B3GALT2: variants seen among roughly 807,000 people sequenced by gnomAD.
B3GALT2 encodes UDP-Gal:betaGlcNAc beta 1,3-galactosyltransferase, polypeptide 2.
In B3GALT2, 13 loss-of-function variants were observed where a neutral mutation model predicts 33.5. The ratio of observed to expected loss-of-function variants is 0.39; its 90% CI spans 0.25 to 0.62. The LOEUF is 0.62. Ranked by LOEUF, B3GALT2 falls within the 20% of genes least tolerant of loss-of-function variation. B3GALT2 has a pLI of 0.53. For missense variants in B3GALT2, 418 were observed against 509.1 expected, an observed-to-expected ratio of 0.82 and a Z score of 1.72; for synonymous variants, 195 against 172.7, an observed-to-expected ratio of 1.13 and a Z score of -1.01.
chr1:193,185,542 GT>G (rs1676792259), intron 1 of B3GALT2, among the ~76,000 whole-genome samples: 1 of 151,488 alleles, frequency 6.6e-6, no homozygotes, highest in Non-Finnish European at 1.5e-5. Flanking sequence ...ACATATTAAG[GT>G]TTTGTTTTAA....
intron 1 of B3GALT2, among the ~76,000 whole-genome samples, chr1:193,182,786 G>A (rs1676739492): frequency 6.6e-6 from 1 of 151,910 alleles, no homozygotes; most frequent in Admixed American, 6.6e-5. Context: ...TAGTTTTTGG[G>A]GACCAATATG....
At chr1:193,182,353 A>C (rs535908964) in intron 1 of B3GALT2, among the ~76,000 whole-genome samples, 1 of 152,292 alleles carries the variant, frequency 6.6e-6, no homozygotes, top group East Asian at 1.9e-4. Context: ...CTTTGTAAAT[A>C]TGAAGTATTC....
chr1:193,185,327 A>G (rs1158630482), intron 1 of B3GALT2, among the ~76,000 whole-genome samples: 2 of 152,042 alleles, frequency 1.3e-5, no homozygotes, highest in African/African-American at 2.4e-5. Flanking sequence ...TTAAAGTTCT[A>G]TTCATGGTCA....
intron 1 of B3GALT2, among the ~76,000 whole-genome samples, chr1:193,182,483 T>C (rs1299710521): frequency 6.6e-6 from 1 of 152,172 alleles, no homozygotes; most frequent in Non-Finnish European, 1.5e-5. Context: ...CATGTTAGAA[T>C]TAAAAGAGCT....
In B3GALT2 at chr1:193,180,210, T is replaced by TAAAC; in HGVS notation, c.*83_*84insGTTT. ...TTATGTGATGAGTTTTAACTAAAAC[T>TAAAC]TGTCCTACGGATGTAATCAGTTCTA... On this transcript the variant is annotated 3_prime_UTR_variant, in exon 2 of 2. Transcript: ENST00000367434. The TAAAC allele has an allele frequency of 8.1e-7, 1 of 1,230,234 alleles. No homozygotes were observed. Among genetic ancestry groups the TAAAC allele is most frequent in the Non-Finnish European group, 1.1e-6 (1 of 915,172 alleles). 76.2% of individuals were successfully genotyped at this position (1,230,234 alleles called of 1,614,324 possible). A position where few individuals can be genotyped will look rare whatever the true frequency, so the allele number is the denominator to read the frequency against.
At position 193,181,196 on chromosome 1, in the gene B3GALT2, A is replaced by C. The variant is rs41265203; in HGVS notation, c.367T>G (p.Tyr123Asp). ...GGATGTCCAGTACCTTTTTCATTGTAAATACTTCCATTGGCACTAAGTGTA... is the reference window on the plus strand; with the variant it reads ...GGATGTCCAGTACCTTTTTCATTGTCAATACTTCCATTGGCACTAAGTGTA... ...ENTLSANGSI[Y>D]NEKGTGHPNS... The change falls in exon 2 of 2, where the codon TAC becomes GAC. Residue 123 changes from tyrosine (Y) to aspartate (D), a missense_variant. Tyr to Asp is a radical substitution (Grantham distance 160). Around this residue, in one of 3 missense-constraint regions of B3GALT2, gnomAD observed 188 missense variants for 197.5 expected, o/e 0.95. Transcript: ENST00000367434. 2.4e-3 allele frequency: 3,843 copies of C among 1,613,784 alleles called. 6 individuals are homozygous for C. The highest frequency in any genetic ancestry group is 3.0e-3 in the Non-Finnish European group (3,498 of 1,179,874).
At chr1:193,182,731 C>T (rs1316021870) in intron 1 of B3GALT2, among the ~76,000 whole-genome samples, 1 of 152,018 alleles carries the variant, frequency 6.6e-6, no homozygotes, top group Non-Finnish European at 1.5e-5. Flanking sequence ...CAGTGCATAG[C>T]ACAGATTTGT....
intron 1 of B3GALT2, 125 bp from the exon 2 acceptor site, chr1:193,181,807 T>G (rs1180267255): frequency 1.2e-5 from 5 of 403,110 alleles, no homozygotes; most frequent in Middle Eastern, 6.3e-4. Flanking sequence ...GCTTGTAATT[T>G]ATTTCCCCTT....
chr1:193,180,854 A>T lies in B3GALT2; in HGVS notation c.709T>A (p.Trp237Arg), dbSNP rs745692078. 6.2e-7 allele frequency: 1 copy of T among 1,614,014 alleles called. No individual in the cohort carries two copies. The highest frequency in any genetic ancestry group is 1.1e-5 in the South Asian group (1 of 91,062). Residue 237 changes from tryptophan to arginine, a missense_variant, in exon 2 of 2, where the codon TGG becomes AGG. Physicochemically the swap from Trp to Arg is moderately radical, Grantham distance 101. This residue lies in a region of B3GALT2 where 226 missense variants were observed against 293.9 expected (regional missense o/e 0.77). Coordinates refer to ENST00000367434, the MANE Select transcript of B3GALT2 (RefSeq NM_003783.3). The part of the protein sequence containing the change: ...LTIKTLMGMN[W>R]VATYCPHIPY... ...ATATGTGGACAGTATGTTGCAACCC[A>T]GTTCATGCCCATTAGTGTTTTAATG...
At position 193,181,572 on chromosome 1, in the gene B3GALT2, A is replaced by C; in HGVS notation, c.-10T>G. ...TCCTCCACTGAAGCATGTTGTAAAT[A>C]TCCAGTAGTGGTATATGAGAGATTG... On this transcript the variant is annotated 5_prime_UTR_variant, in exon 2 of 2. Transcript: ENST00000367434. 6.4e-7 allele frequency: 1 copy of C among 1,568,630 alleles called. No homozygotes were observed. The highest frequency in any genetic ancestry group is 8.6e-7 in the Non-Finnish European group (1 of 1,161,672).
In B3GALT2 at chr1:193,180,696, A is replaced by C. The variant is rs1344010817; in HGVS notation, c.867T>G (p.Asn289Lys). The change falls in exon 2 of 2, where the codon AAT (asparagine) becomes AAG (lysine). Residue 289 changes from asparagine to lysine, a missense_variant. This residue lies in a region of B3GALT2 where 226 missense variants were observed against 293.9 expected (regional missense o/e 0.77). Coordinates refer to ENST00000367434, the MANE Select transcript of B3GALT2 (RefSeq NM_003783.3). ...TGYLMRGYAP[N>K]RNKDSKWYMP... ...TGTACCACTTGCTATCTTTGTTTCG[A>C]TTGGGTGCATATCCTCGCATTAGGT... 1 of 1,614,076 alleles carries C rather than the reference A, an allele frequency of 6.2e-7. No individual in the cohort carries two copies. The highest frequency in any genetic ancestry group is 8.5e-7 in the Non-Finnish European group (1 of 1,179,954).
At position 193,181,406 on chromosome 1, in the gene B3GALT2, C is replaced by T; in HGVS notation, c.157G>A (p.Ala53Thr). ...FNHHDWLPGRAGFKENPVTYT... is the reference protein window; with the variant it reads ...FNHHDWLPGRTGFKENPVTYT... Reference sequence around the variant, plus strand: ...GTCACAGGGTTTTCTTTGAATCCAGCTCTGCCTGGCAGCCAGTCATGATGA... The same window carrying T: ...GTCACAGGGTTTTCTTTGAATCCAGTTCTGCCTGGCAGCCAGTCATGATGA... Residue 53 changes from alanine (A) to threonine (T), a missense_variant, in exon 2 of 2, where the codon GCT (alanine) becomes ACT (threonine). Physicochemically the swap from Ala to Thr is moderately conservative, Grantham distance 58. Coordinates refer to ENST00000367434, the MANE Select transcript of B3GALT2 (RefSeq NM_003783.3). 1 of 1,614,028 alleles carries T rather than the reference C, an allele frequency of 6.2e-7. No homozygotes were observed. Among genetic ancestry groups the T allele is most frequent in the Non-Finnish European group, 8.5e-7 (1 of 1,179,928 alleles).
chr1:193,180,191 G>T lies in B3GALT2; in HGVS notation c.*103C>A. 2.1e-6 allele frequency: 2 copies of T among 969,122 alleles called. No homozygotes were observed. The highest frequency in any genetic ancestry group is 2.7e-5 in the South Asian group (1 of 36,764). 60.0% of individuals were successfully genotyped at this position (969,122 alleles called of 1,614,324 possible). A position where few individuals can be genotyped will look rare whatever the true frequency, so the allele number is the denominator to read the frequency against. ...AAATACTTCTTGAATTTCTTTATGTGATGAGTTTTAACTAAAACTTGTCCT... is the reference window on the plus strand; with the variant it reads ...AAATACTTCTTGAATTTCTTTATGTTATGAGTTTTAACTAAAACTTGTCCT... On this transcript the variant is annotated 3_prime_UTR_variant, in exon 2 of 2. Coordinates refer to ENST00000367434, the MANE Select transcript of B3GALT2 (RefSeq NM_003783.3).
chr1:193,181,228 A>G lies in B3GALT2; in HGVS notation c.335T>C (p.Leu112Pro), dbSNP rs1427358244. The G allele has an allele frequency of 6.2e-7, 1 of 1,613,962 alleles. No individual in the cohort carries two copies. The highest frequency in any genetic ancestry group is 8.5e-7 in the Non-Finnish European group (1 of 1,179,980). The part of the protein sequence containing the change: ...TDLSPQGVTG[L>P]ENTLSANGSI... ...TCCATTGGCACTAAGTGTATTCTCCAGGCCTGTAACTCCTTGTGGTGACAG... is the reference window on the plus strand; with the variant it reads ...TCCATTGGCACTAAGTGTATTCTCCGGGCCTGTAACTCCTTGTGGTGACAG... The change falls in exon 2 of 2, where the codon CTG (leucine) becomes CCG (proline). Residue 112 changes from leucine to proline, a missense_variant. Around this residue, in one of 3 missense-constraint regions of B3GALT2, gnomAD observed 188 missense variants for 197.5 expected, o/e 0.95. Coordinates refer to ENST00000367434, the MANE Select transcript of B3GALT2 (RefSeq NM_003783.3).
chr1:193,184,315 G>A (rs1676768952), intron 1 of B3GALT2, among the ~76,000 whole-genome samples: 1 of 151,820 alleles, frequency 6.6e-6, no homozygotes, highest in South Asian at 2.1e-4. Flanking sequence ...AAATAACCAT[G>A]CCTGCTTTTT....
Position 193,180,400 on chromosome 1 carries a change from C to A in B3GALT2, c.1163G>T (p.Ser388Ile), listed in dbSNP as rs766299677. 47 of 1,613,910 alleles carry A rather than the reference C, an allele frequency of 2.9e-5. 1 individual carries two copies. Among genetic ancestry groups the A allele is most frequent in the Non-Finnish European group, 3.9e-5 (46 of 1,179,848 alleles). The stretch of plus-strand genomic sequence containing the variant: ...ATGGTTCCAGTATTTTATCAGTTCA[C>A]TAGGCTGGAACTGATGAGAGGTAAT... ...HLITSHQFQPSELIKYWNHLQ... is the reference protein window; with the variant it reads ...HLITSHQFQPIELIKYWNHLQ... The change falls in exon 2 of 2, where the codon AGT (serine) becomes ATT (isoleucine). Residue 388 changes from serine (S) to isoleucine (I), a missense_variant. This residue lies in a region of B3GALT2 where 226 missense variants were observed against 293.9 expected (regional missense o/e 0.77). Transcript: ENST00000367434.
In B3GALT2 at chr1:193,181,415, G is replaced by T. The variant is rs946591897; in HGVS notation, c.148C>A (p.Pro50Thr). The part of the protein sequence containing the change: ...FLFFNHHDWL[P>T]GRAGFKENPV... The stretch of plus-strand genomic sequence containing the variant: ...TTTTCTTTGAATCCAGCTCTGCCTG[G>T]CAGCCAGTCATGATGATTGAAAAAC... The change falls in exon 2 of 2, where the codon CCA (proline) becomes ACA (threonine). Residue 50 changes from proline (P) to threonine (T), a missense_variant. Physicochemically the swap from Pro to Thr is conservative, Grantham distance 38. Coordinates refer to ENST00000367434, the MANE Select transcript of B3GALT2 (RefSeq NM_003783.3). The T allele has an allele frequency of 1.2e-6, 2 of 1,613,922 alleles. No homozygotes were observed. The highest frequency in any genetic ancestry group is 2.7e-5 in the African/African-American group (2 of 74,900).
At chr1:193,182,811 G>T (rs1676739995) in intron 1 of B3GALT2, among the ~76,000 whole-genome samples, 1 of 152,040 alleles carries the variant, frequency 6.6e-6, no homozygotes, top group Admixed American at 6.6e-5. Flanking sequence ...GGGAGTAGAG[G>T]TGGGCAAAGA....
chr1:193,183,377 T>G (rs1269314751), intron 1 of B3GALT2, among the ~76,000 whole-genome samples: 1 of 149,920 alleles, frequency 6.7e-6, no homozygotes, highest in Non-Finnish European at 1.5e-5. Context: ...TTGAAAGATG[T>G]GAACAATTTT....
Sources: allele counts gnomAD v4.1 joint callset (sites outside exome capture counted in the v4.1 genomes callset), GRCh38; gene constraint gnomAD v4.1.1; regional missense constraint gnomAD v4.1.1; transcripts MANE v1.5; gene names NCBI Gene and HGNC (gene_info 2026-07-23, HGNC 2026-07-21).